PCDHGA6: variants seen among roughly 807,000 people sequenced by gnomAD.
PCDHGA6 encodes protocadherin gamma-A6.
A neutral mutation model predicts 60.6 loss-of-function variants in PCDHGA6; 41 were observed. The observed-to-expected ratio is 0.68, with a 90% CI of 0.53 to 0.88. The LOEUF is 0.88. PCDHGA6 is among the 40% of genes least tolerant of loss of function. The pLI, the probability that PCDHGA6 is intolerant of heterozygous loss-of-function variation, is 0.00. For missense variants in PCDHGA6, 1,312 were observed against 1,203.0 expected (o/e 1.09, Z -1.34); for synonymous variants, 594 against 524.4 (o/e 1.13, Z -1.81).
At chr5:141,408,164 A>C (rs2095051548) in intron 1 of PCDHGA6, 1 of 1,520,458 alleles carries the variant, frequency 6.6e-7, no homozygotes, top group African/African-American at 1.4e-5. Context: ...ACTTTCTCCA[A>C]CTGGAAAAGC....
chr5:141,419,638 C>G, intron 1 of PCDHGA6: 1 of 1,612,456 alleles, frequency 6.2e-7, no homozygotes, highest in Non-Finnish European at 8.5e-7. Context: ...AGGTGGTGGC[C>G]GTGGACGCGG....
chr5:141,374,879 G>A lies in PCDHGA6; in HGVS notation c.796G>A (p.Ala266Thr). 6.2e-7 allele frequency: 1 copy of A among 1,613,694 alleles called. No homozygotes were observed. The highest frequency in any genetic ancestry group is 8.5e-7 in the Non-Finnish European group (1 of 1,179,900). The change falls in exon 1 of 4, where the codon GCC (alanine) becomes ACC (threonine). Residue 266 changes from alanine (A) to threonine (T), a missense_variant. Physicochemically the swap from Ala to Thr is moderately conservative, Grantham distance 58. Coordinates refer to ENST00000517434, the MANE Select transcript of PCDHGA6 (RefSeq NM_018919.3). ...AGGCACACCAGTGTTGGCAGTGACT[G>A]CCACCGACCAGGATGAAGGAGTCCA... ...PVGTPVLAVT[A>T]TDQDEGVHGE...
chr5:141,444,082 A>G (rs942113441), intron 1 of PCDHGA6, among the ~76,000 whole-genome samples: 2 of 151,044 alleles, frequency 1.3e-5, no homozygotes, highest in African/African-American at 2.4e-5. Flanking sequence ...TCACCTGAAA[A>G]GTCTGCTAAG....
At chr5:141,442,472 C>A (rs1032989256) in intron 1 of PCDHGA6, 4 of 152,204 alleles carry the variant, frequency 2.6e-5, no homozygotes, top group African/African-American at 9.7e-5. Flanking sequence ...GCAGAAAGCC[C>A]CTTGGGGAAG....
In PCDHGA6 at chr5:141,449,878, A is replaced by G. The variant is rs536474516; in HGVS notation, c.2425-44929A>G. On this transcript the variant is annotated intron_variant, in intron 1 of 3. Transcript: ENST00000517434. ...ATAAAAATCAGAAAATTTAACATCA[A>G]TGCAATATAATTATTTAGCCTATAG... 6.6e-4 allele frequency among the ~76,000 whole-genome samples: 100 copies of G among 152,050 alleles called. 1 individual carries two copies. The highest frequency in any genetic ancestry group is 2.4e-3 in the African/African-American group (99 of 41,574).
intron 2 of PCDHGA6, among the ~76,000 whole-genome samples, chr5:141,496,180 GC>G (rs1054381604): frequency 1.4e-4 from 21 of 151,922 alleles, no homozygotes; most frequent in Non-Finnish European, 2.9e-4. Flanking sequence ...CATCCAAGCA[GC>G]CCCAGCTGCT....
intron 1 of PCDHGA6, among the ~76,000 whole-genome samples, chr5:141,474,684 T>A (rs1302389621): frequency 6.6e-6 from 1 of 152,246 alleles, no homozygotes; most frequent in Non-Finnish European, 1.5e-5. Context: ...TGCCTACCCC[T>A]TCACTTATGT....
At chr5:141,443,055 C>G (rs994152277) in intron 1 of PCDHGA6, among the ~76,000 whole-genome samples, 1 of 152,208 alleles carries the variant, frequency 6.6e-6, no homozygotes, top group Non-Finnish European at 1.5e-5. Flanking sequence ...TATTGTTCCA[C>G]TGAAGAGCGT....
chr5:141,478,851 C>T, intron 1 of PCDHGA6: 1 of 1,374,810 alleles, frequency 7.3e-7, no homozygotes, highest in Non-Finnish European at 9.6e-7. Context: ...AGCTAAAACA[C>T]AAGATCTCAG....
intron 1 of PCDHGA6, chr5:141,398,713 C>G (rs772426523): frequency 6.2e-7 from 1 of 1,613,828 alleles, no homozygotes; most frequent in Non-Finnish European, 8.5e-7. Context: ...GGAACTGGCA[C>G]TGGAGAAAAC....
At chr5:141,394,962 A>C (rs971000405) in intron 1 of PCDHGA6, 1 of 1,613,828 alleles carries the variant, frequency 6.2e-7, no homozygotes, top group Non-Finnish European at 8.5e-7. Context: ...GCTCAGGCTG[A>C]GGCGCTGGCA....
At chr5:141,426,657 A>G (rs1369635444) in intron 1 of PCDHGA6, 2 of 425,278 alleles carry the variant, frequency 4.7e-6, no homozygotes, top group Non-Finnish European at 9.7e-6. Flanking sequence ...GATAGAAGAT[A>G]TAAATGATAA....
Position 141,489,902 on chromosome 5 carries a change from C to A in PCDHGA6, c.2425-4905C>A. ...ACTGCTGTGGATGGGGGGACCCCAGCCCGCTCAGGGACCACCCTTATCTCT... is the reference window on the plus strand; with the variant it reads ...ACTGCTGTGGATGGGGGGACCCCAGACCGCTCAGGGACCACCCTTATCTCT... On this transcript the variant is annotated intron_variant, in intron 1 of 3. Transcript: ENST00000517434. The surrounding 1 kb of genome is among the most constrained non-coding windows in gnomAD (Gnocchi z 4.5). 1 of 1,614,218 alleles carries A rather than the reference C, an allele frequency of 6.2e-7. No individual in the cohort carries two copies. The highest frequency in any genetic ancestry group is 8.5e-7 in the Non-Finnish European group (1 of 1,180,032).
chr5:141,401,761 A>T (rs2094191513), intron 1 of PCDHGA6, among the ~76,000 whole-genome samples: 1 of 152,210 alleles, frequency 6.6e-6, no homozygotes, highest in African/African-American at 2.4e-5. Flanking sequence ...ATTACATGGT[A>T]TAAGTCTTTT....
intron 1 of PCDHGA6, chr5:141,403,711 G>A: frequency 6.2e-7 from 1 of 1,613,930 alleles, no homozygotes; most frequent in South Asian, 1.1e-5. Context: ...AAGTCCTTGA[G>A]AACGTGCCCC....
chr5:141,392,568 T>A (rs2092555063), intron 1 of PCDHGA6: 4 of 442,486 alleles, frequency 9.0e-6, no homozygotes, highest in Non-Finnish European at 1.2e-5. Context: ...CAGTAACTAT[T>A]TAGGACTGTA....
chr5:141,395,182 C>A (rs143509166), intron 1 of PCDHGA6: 1 of 1,614,114 alleles, frequency 6.2e-7, no homozygotes, highest in South Asian at 1.1e-5. Context: ...AAAAATGATT[C>A]TTTGTTAACA....
At chr5:141,414,223 G>C in intron 1 of PCDHGA6, 1 of 1,613,426 alleles carries the variant, frequency 6.2e-7, no homozygotes, top group Non-Finnish European at 8.5e-7. Flanking sequence ...CAACAGTCCA[G>C]AGCTGACCAT....
intron 1 of PCDHGA6, among the ~76,000 whole-genome samples, chr5:141,387,466 C>G (rs1589036513): frequency 6.6e-6 from 1 of 152,194 alleles, no homozygotes; most frequent in Non-Finnish European, 1.5e-5. Context: ...TAAAAATCCT[C>G]AAAGTTGGGA....
Sources: gnomAD v4.1 joint callset for allele counts (sites outside exome capture counted in the v4.1 genomes callset) on GRCh38, gnomAD v4.1.1 for gene constraint, Gnocchi (gnomAD v3.1) non-coding constraint, MANE v1.5 for transcripts, NCBI Gene and HGNC (gene_info 2026-07-23, HGNC 2026-07-21) for gene names.